ASAH2: variants seen among roughly 807,000 people sequenced by gnomAD.
ASAH2 encodes neutral ceramidase.
ASAH2 carries 58 observed loss-of-function variants against 82.9 expected under a neutral mutation model. The ratio of observed to expected loss-of-function variants is 0.70; its 90% CI spans 0.57 to 0.87. The LOEUF (loss-of-function observed/expected upper bound fraction) is 0.87, where lower values mean the gene tolerates loss of function less well. Ranked by LOEUF, ASAH2 falls within the 40% of genes least tolerant of loss-of-function variation. The pLI is 0.00. For missense variants in ASAH2, 779 were observed against 834.0 expected (o/e 0.93, Z 0.81); for synonymous variants, 276 against 289.7 (o/e 0.95, Z 0.48).
intron 9 of ASAH2, 68 bp downstream of exon 9, chr10:50,214,675 A>G: frequency 6.3e-7 from 1 of 1,585,216 alleles, no homozygotes. Context: ...TAAATTAATG[A>G]TAAATATTCA....
At chr10:50,250,475 G>C (rs1486774474) in intron 1 of ASAH2, among the ~76,000 whole-genome samples, 2 of 152,206 alleles carry the variant, frequency 1.3e-5, no homozygotes, top group Non-Finnish European at 2.9e-5. Context: ...TGTGACTTAT[G>C]ATCAACTTCT....
intron 16 of ASAH2, among the ~76,000 whole-genome samples, chr10:50,201,548 C>A (rs979213597): frequency 6.6e-6 from 1 of 152,094 alleles, no homozygotes; most frequent in Non-Finnish European, 1.5e-5. Flanking sequence ...ATGAGCCACA[C>A]CCCTGTTGCA....
chr10:50,242,912 A>C (rs1012108649), intron 4 of ASAH2, among the ~76,000 whole-genome samples: 15 of 152,218 alleles, frequency 9.9e-5, no homozygotes, highest in Non-Finnish European at 8.8e-5. Flanking sequence ...GAATATATAT[A>C]TAAAAGTCAC....
Position 50,245,228 on chromosome 10 carries a change from G to T in ASAH2, c.354C>A (p.Ile118=). ...RADCTGQVAD[I]NLMGYGKSGQ... is the part of the protein sequence containing the mutation. Reference sequence around the variant, plus strand: ...GAGCCCATTGTCTACTTGCCAAATTGATATCTGCTACTTGTCCTGTGCAGT... The same window carrying T: ...GAGCCCATTGTCTACTTGCCAAATTTATATCTGCTACTTGTCCTGTGCAGT... Residue 118 remains isoleucine, a synonymous_variant, in exon 3 of 21, where the codon ATC becomes ATA. Coordinates refer to ENST00000682911, the MANE Select transcript of ASAH2 (RefSeq NM_019893.4). 1 of 1,613,000 alleles carries T rather than the reference G, an allele frequency of 6.2e-7. No individual in the cohort carries two copies. Among genetic ancestry groups the T allele is most frequent in the Non-Finnish European group, 8.5e-7 (1 of 1,179,030 alleles).
chr10:50,235,770 A>T, intron 5 of ASAH2, 118 bp downstream of exon 5: 4 of 1,090,938 alleles, frequency 3.7e-6, no homozygotes, highest in Non-Finnish European at 5.6e-6. Flanking sequence ...AGAATTGTAC[A>T]TGCTAATACT....
At chr10:50,232,265 T>A (rs1846038679) in intron 7 of ASAH2, among the ~76,000 whole-genome samples, 1 of 152,208 alleles carries the variant, frequency 6.6e-6, no homozygotes. Flanking sequence ...CTTTGTCATC[T>A]TTCTAATCAT....
At chr10:50,224,315 G>A (rs1472801641) in intron 7 of ASAH2, among the ~76,000 whole-genome samples, 3 of 152,096 alleles carry the variant, frequency 2.0e-5, no homozygotes, top group Non-Finnish European at 2.9e-5. Context: ...TACTGCTGCT[G>A]CAGCTGCAGA....
In ASAH2 at chr10:50,210,805, T is replaced by C; in HGVS notation, c.1414+18A>G. ...CTTCAGAAGCTGAAACCATAGATTTTACTGGACTTCACCTTACCCTGTGTA... is the reference window on the plus strand; with the variant it reads ...CTTCAGAAGCTGAAACCATAGATTTCACTGGACTTCACCTTACCCTGTGTA... On this transcript the variant is annotated intron_variant, in intron 12 of 20. Coordinates refer to ENST00000682911, the MANE Select transcript of ASAH2 (RefSeq NM_019893.4). 1 of 1,586,290 alleles carries C rather than the reference T, an allele frequency of 6.3e-7. No homozygotes were observed. Among genetic ancestry groups the C allele is most frequent in the Non-Finnish European group, 8.7e-7 (1 of 1,154,508 alleles).
chr10:50,238,317 C>T (rs1001153383), intron 4 of ASAH2, among the ~76,000 whole-genome samples: 1 of 152,130 alleles, frequency 6.6e-6, no homozygotes, highest in African/African-American at 2.4e-5. Context: ...AAGATCTACA[C>T]CATTCTCATT....
chr10:50,210,564 C>T (rs1358761186), intron 12 of ASAH2, among the ~76,000 whole-genome samples: 1 of 151,874 alleles, frequency 6.6e-6, no homozygotes, highest in African/African-American at 2.4e-5. Flanking sequence ...GTGAAAGAAG[C>T]CAACAAAAAA....
chr10:50,234,815 C>T (rs1426497701), intron 5 of ASAH2, among the ~76,000 whole-genome samples: 3 of 152,102 alleles, frequency 2.0e-5, no homozygotes, highest in Non-Finnish European at 2.9e-5. Context: ...AAAGTCTCAA[C>T]TCCTGCTCTC....
intron 12 of ASAH2, among the ~76,000 whole-genome samples, chr10:50,209,655 A>G (rs1845400670): frequency 6.6e-6 from 1 of 152,172 alleles, no homozygotes; most frequent in Non-Finnish European, 1.5e-5. Flanking sequence ...AAGGGAACGT[A>G]TACAGAATAC....
At position 50,210,832 on chromosome 10, in the gene ASAH2, A is replaced by T; in HGVS notation, c.1405T>A (p.Phe469Ile). Residue 469 changes from phenylalanine to isoleucine, a missense_variant, in exon 12 of 21, where the codon TTT (phenylalanine) becomes ATT (isoleucine). Around this residue, in one of 3 missense-constraint regions of ASAH2, gnomAD observed 759 missense variants for 755.2 expected, o/e 1.00. Coordinates refer to ENST00000682911, the MANE Select transcript of ASAH2 (RefSeq NM_019893.4). Reference protein sequence around the residue: ...GTIDGVGGLNFTQGKTEGDPF... With the variant: ...GTIDGVGGLNITQGKTEGDPF... ...CTGGACTTCACCTTACCCTGTGTAA[A>T]ATTGAGGCCTCCAACTCCATCAATA... 1 of 1,612,446 alleles carries T rather than the reference A, an allele frequency of 6.2e-7. No individual in the cohort carries two copies. The highest frequency in any genetic ancestry group is 8.5e-7 in the Non-Finnish European group (1 of 1,178,470).
intron 8 of ASAH2, among the ~76,000 whole-genome samples, chr10:50,217,430 T>A (rs1845633371): frequency 6.6e-6 from 1 of 152,236 alleles, no homozygotes; most frequent in Admixed American, 6.5e-5. Context: ...GGTTTCACCA[T>A]GTTGGCCAGG....
chr10:50,221,631 A>ATGTGTG (rs1193949441), intron 7 of ASAH2, among the ~76,000 whole-genome samples: 6 of 146,720 alleles, frequency 4.1e-5, no homozygotes, highest in African/African-American at 1.6e-4. Context: ...TTCAGGTTGT[A>ATGTGTG]TGTGTGTGTG....
intron 7 of ASAH2, among the ~76,000 whole-genome samples, chr10:50,219,115 C>G (rs1845681505): frequency 6.6e-6 from 1 of 152,154 alleles, no homozygotes; most frequent in Non-Finnish European, 1.5e-5. Flanking sequence ...TGCGAAGAAA[C>G]AGGCATAAAG....
chr10:50,204,317 A>C (rs1845236687), intron 14 of ASAH2, among the ~76,000 whole-genome samples: 1 of 152,040 alleles, frequency 6.6e-6, no homozygotes, highest in South Asian at 2.1e-4. Flanking sequence ...TCTGTGTAAA[A>C]GATCGTGGTA....
intron 8 of ASAH2, 110 bp from the exon 9 acceptor site, chr10:50,214,978 G>T (rs1845556712): frequency 1.5e-6 from 2 of 1,366,192 alleles, no homozygotes; most frequent in African/African-American, 1.5e-5. Flanking sequence ...AAAATCATTT[G>T]CAGGCAATAA....
At chr10:50,212,895 C>T (rs1845496042) in intron 10 of ASAH2, 77 bp downstream of exon 10, 2 of 1,391,070 alleles carry the variant, frequency 1.4e-6, no homozygotes, top group African/African-American at 2.8e-5. Flanking sequence ...AAGTATTCAA[C>T]TTCCTAATGA....
Sources: gnomAD v4.1 joint callset for allele counts (sites outside exome capture counted in the v4.1 genomes callset) on GRCh38, gnomAD v4.1.1 for gene constraint, gnomAD v4.1.1 regional missense constraint, MANE v1.5 for transcripts, NCBI Gene and HGNC (gene_info 2026-07-23, HGNC 2026-07-21) for gene names.